Variants in FAM167A observed in about 807,000 individuals in gnomAD.
The protein encoded by FAM167A is family with sequence similarity 167 member A, also known as protein FAM167A.
FAM167A carries 23 observed loss-of-function variants against 14.9 expected under a neutral mutation model. That is an observed-to-expected ratio of 1.55 (90% CI 1.11 to 2.19). The LOEUF (loss-of-function observed/expected upper bound fraction) is 2.19. FAM167A is among the 30% of genes most tolerant of loss of function. FAM167A has a pLI of 0.00. For synonymous variants in FAM167A, 174 were observed against 117.7 expected, an observed-to-expected ratio of 1.48 and a Z score of -3.10; for missense variants, 401 against 281.5, an observed-to-expected ratio of 1.42 and a Z score of -3.04.
At chr8:11,436,724 G>C (rs1327584260) in intron 2 of FAM167A, among the ~76,000 whole-genome samples, 1 of 152,358 alleles carries the variant, frequency 6.6e-6, no homozygotes, top group African/African-American at 2.4e-5. Context: ...TCACCTGAGA[G>C]CCCTCAGAAG....
At chr8:11,454,254 G>A (rs969722020) in intron 1 of FAM167A, among the ~76,000 whole-genome samples, 7 of 152,218 alleles carry the variant, frequency 4.6e-5, no homozygotes, top group Non-Finnish European at 1.0e-4. Context: ...TGTGTGCAAA[G>A]CGCTCTGTTT....
chr8:11,423,613 C>T lies in FAM167A; in HGVS notation c.*760G>A, dbSNP rs1335777176. ...CACCAGTGGTCTCCCAGGCTGTCAC[C>T]CTGGGGTGTGGGTGGCAGTGAAGAG... On this transcript the variant is annotated 3_prime_UTR_variant, in exon 3 of 3. Coordinates refer to ENST00000284486, the MANE Select transcript of FAM167A (RefSeq NM_053279.3). 1.3e-5 allele frequency: 2 copies of T among 152,226 alleles called. No individual in the cohort carries two copies. The highest frequency in any genetic ancestry group is 4.1e-4 in the South Asian group (2 of 4,832). 9.4% of individuals were successfully genotyped at this position (152,226 alleles called of 1,614,324 possible).
At position 11,421,758 on chromosome 8, in the gene FAM167A, T is replaced by C. The variant is rs1482809082; in HGVS notation, c.*2615A>G. The C allele has an allele frequency of 5.0e-6, 2 of 398,920 alleles. No individual in the cohort carries two copies. Among genetic ancestry groups the C allele is most frequent in the Non-Finnish European group, 8.8e-6 (2 of 226,104 alleles). 24.7% of individuals were successfully genotyped at this position (398,920 alleles called of 1,614,324 possible). On this transcript the variant is annotated 3_prime_UTR_variant, in exon 3 of 3. Coordinates refer to ENST00000284486, the MANE Select transcript of FAM167A (RefSeq NM_053279.3). ...AGAGTTTGCGTTTTACACCCAGCGA[T>C]GCTTGGGGATGGCAGAGAGATGGAT...
intron 2 of FAM167A, chr8:11,438,155 GAA>G (rs890316376): frequency 1.1e-5 from 5 of 455,174 alleles, no homozygotes; most frequent in Non-Finnish European, 2.2e-5. Context: ...GGGGCTGGAT[GAA>G]AAGACTTCCG....
At chr8:11,472,754 C>A (rs1175934896) in intron 1 of FAM167A, among the ~76,000 whole-genome samples, 1 of 152,152 alleles carries the variant, frequency 6.6e-6, no homozygotes, top group Non-Finnish European at 1.5e-5. Context: ...CTAACTGGAA[C>A]TTTGTCAAAT....
chr8:11,473,703 C>A (rs1391105681), intron 1 of FAM167A, among the ~76,000 whole-genome samples: 2 of 152,132 alleles, frequency 1.3e-5, no homozygotes, highest in African/African-American at 2.4e-5. Flanking sequence ...ATCCCTTAGT[C>A]TCTTGAGCTT....
chr8:11,447,627 G>C (rs1806841438), intron 1 of FAM167A, among the ~76,000 whole-genome samples: 1 of 152,180 alleles, frequency 6.6e-6, no homozygotes, highest in Non-Finnish European at 1.5e-5. Flanking sequence ...TCGAGGCTAG[G>C]GCAGGTGAAG....
intron 1 of FAM167A, among the ~76,000 whole-genome samples, chr8:11,459,588 C>G (rs1807455860): frequency 6.6e-6 from 1 of 152,194 alleles, no homozygotes. Flanking sequence ...GGGCTGGGGT[C>G]TTAGTCCTTG....
At chr8:11,456,100 G>C (rs1259769416) in intron 1 of FAM167A, among the ~76,000 whole-genome samples, 1 of 123,810 alleles carries the variant, frequency 8.1e-6, no homozygotes, top group Non-Finnish European at 1.8e-5. Flanking sequence ...TTGCCTTGCT[G>C]TGTGTGTGTG....
At chr8:11,429,491 G>T (rs1563359459) in intron 2 of FAM167A, among the ~76,000 whole-genome samples, 1 of 152,200 alleles carries the variant, frequency 6.6e-6, no homozygotes, top group Non-Finnish European at 1.5e-5. Flanking sequence ...TGACAACACA[G>T]CCCCGGCTGC....
chr8:11,473,923 A>G (rs1226012000), intron 1 of FAM167A, among the ~76,000 whole-genome samples: 4 of 151,450 alleles, frequency 2.6e-5, no homozygotes, highest in Admixed American at 6.6e-5. Context: ...CCCAGGCTGG[A>G]GTGCAGTGGC....
intron 2 of FAM167A, 55 bp downstream of exon 2, chr8:11,443,976 C>A: frequency 6.4e-7 from 1 of 1,558,008 alleles, no homozygotes. Flanking sequence ...GAAAAAGACA[C>A]AGAGAGACGG....
chr8:11,472,675 C>T (rs1438391057), intron 1 of FAM167A, among the ~76,000 whole-genome samples: 2 of 152,134 alleles, frequency 1.3e-5, no homozygotes, highest in Non-Finnish European at 2.9e-5. Context: ...GTGAGCCTGG[C>T]TACTTTGAGT....
At chr8:11,425,240 G>T (rs1805055205) in intron 2 of FAM167A, among the ~76,000 whole-genome samples, 1 of 152,188 alleles carries the variant, frequency 6.6e-6, no homozygotes. Context: ...CTATTAACAT[G>T]CAACAGTTAA....
At chr8:11,455,355 AGG>A in intron 1 of FAM167A, among the ~76,000 whole-genome samples, 2 of 92,850 alleles carry the variant, frequency 2.2e-5, no homozygotes, top group African/African-American at 4.4e-5. Context: ...TATGAGTGTG[AGG>A]AGTGTGAGTG....
At chr8:11,434,237 T>C (rs932543038) in intron 2 of FAM167A, 55 of 152,300 alleles carry the variant, frequency 3.6e-4, no homozygotes, top group African/African-American at 1.3e-3. Flanking sequence ...TGAAGCTGAC[T>C]CTCCTGGCGA....
intron 2 of FAM167A, among the ~76,000 whole-genome samples, chr8:11,433,479 T>G (rs999564303): frequency 1.3e-5 from 2 of 152,186 alleles, no homozygotes; most frequent in African/African-American, 4.8e-5. Flanking sequence ...TTCTTTTAGT[T>G]TGGTGAAATA....
At chr8:11,426,235 C>T (rs1805135333) in intron 2 of FAM167A, among the ~76,000 whole-genome samples, 1 of 152,182 alleles carries the variant, frequency 6.6e-6, no homozygotes, top group Non-Finnish European at 1.5e-5. Context: ...CAAGATATCC[C>T]ACCTGTTTAG....
chr8:11,472,611 C>G (rs566341740), intron 1 of FAM167A, among the ~76,000 whole-genome samples: 1 of 152,112 alleles, frequency 6.6e-6, no homozygotes, highest in African/African-American at 2.4e-5. Flanking sequence ...ACCGGAAACC[C>G]TGATGGGCAG....
Sources: gnomAD v4.1 joint callset for allele counts (sites outside exome capture counted in the v4.1 genomes callset) on GRCh38, gnomAD v4.1.1 for gene constraint, MANE v1.5 for transcripts, NCBI Gene and HGNC (gene_info 2026-07-23, HGNC 2026-07-21) for gene names.